The following C1orf115 variants were observed in gnomAD, a reference collection of about 807,000 sequenced individuals.
C1orf115 encodes the protein required for drug-induced death protein 1.
Under a neutral mutation model 12.5 loss-of-function variants are expected in C1orf115, and 14 were observed. The observed-to-expected ratio is 1.12, with a 90% confidence interval of 0.74 to 1.75. C1orf115 has a LOEUF of 1.75. C1orf115 is among the 40% of genes most tolerant of loss of function. The pLI, the probability that C1orf115 is intolerant of heterozygous loss-of-function variation, is 0.00. For synonymous variants in C1orf115, 109 were observed against 104.6 expected, an observed-to-expected ratio of 1.04 and a Z score of -0.26; for missense variants, 237 against 220.8, an observed-to-expected ratio of 1.07 and a Z score of -0.46.
At position 220,696,880 on chromosome 1, in the gene C1orf115, G is replaced by A. The variant is rs937666923; in HGVS notation, c.*149G>A. On this transcript the variant is annotated 3_prime_UTR_variant, in exon 2 of 2. Transcript: ENST00000294889. ...TTGTTGAATCACATTAGTATGATGAGTGAGTCATCCCTGCCCATCTGCTGA... is the reference window on the plus strand; with the variant it reads ...TTGTTGAATCACATTAGTATGATGAATGAGTCATCCCTGCCCATCTGCTGA... The A allele has an allele frequency of 9.8e-7, 1 of 1,019,894 alleles. No individual in the cohort carries two copies. The highest frequency in any genetic ancestry group is 1.3e-6 in the Non-Finnish European group (1 of 745,190). The allele number at this position is 1,019,894 out of a possible 1,614,324, so 63.2% of individuals were successfully genotyped here.
intron 1 of C1orf115, among the ~76,000 whole-genome samples, chr1:220,694,981 A>G (rs1351242663): frequency 6.6e-6 from 1 of 152,230 alleles, no homozygotes; most frequent in African/African-American, 2.4e-5. Context: ...AACTAAGAAT[A>G]TGGAGTCAAA....
chr1:220,699,103 T>C lies in C1orf115; in HGVS notation c.*2372T>C, dbSNP rs911153873. 3 of 152,236 alleles carry C rather than the reference T, an allele frequency of 2.0e-5. No homozygotes were observed. Among genetic ancestry groups the C allele is most frequent in the Non-Finnish European group, 4.4e-5 (3 of 68,052 alleles). 9.4% of individuals were successfully genotyped at this position (152,236 alleles called of 1,614,324 possible). ...GATGTGCTTGACCAAGAGACTTCTTTTGTATCCTTTTCTTGTCCTATGATG... is the reference window on the plus strand; with the variant it reads ...GATGTGCTTGACCAAGAGACTTCTTCTGTATCCTTTTCTTGTCCTATGATG... On this transcript the variant is annotated 3_prime_UTR_variant, in exon 2 of 2. Transcript: ENST00000294889.
chr1:220,696,187 T>TTTCA (rs2102518114), intron 1 of C1orf115, among the ~76,000 whole-genome samples: 2 of 152,292 alleles, frequency 1.3e-5, no homozygotes, highest in East Asian at 3.9e-4. Flanking sequence ...GAAGATGGGC[T>TTTCA]TTCAGATAAG....
intron 1 of C1orf115, among the ~76,000 whole-genome samples, chr1:220,695,754 T>C (rs557152131): frequency 6.6e-6 from 1 of 152,146 alleles, no homozygotes; most frequent in South Asian, 2.1e-4. Flanking sequence ...TATGGTAATA[T>C]GGAAAAGTCA....
In C1orf115 at chr1:220,697,097, G is replaced by A. The variant is rs908621371; in HGVS notation, c.*366G>A. On this transcript the variant is annotated 3_prime_UTR_variant, in exon 2 of 2. Transcript: ENST00000294889. The surrounding 1 kb of genome is among the most constrained non-coding windows in gnomAD (Gnocchi z 4.5). The stretch of plus-strand genomic sequence containing the variant: ...GTGTGCAGCAGAACAGTGATCTTGG[G>A]GGAGGAAGAGGATGTTACTAGAGTC... 2.4e-5 allele frequency: 4 copies of A among 166,218 alleles called. No homozygotes were observed. Among genetic ancestry groups the A allele is most frequent in the African/African-American group, 9.5e-5 (4 of 42,084 alleles). 10.3% of individuals were successfully genotyped at this position (166,218 alleles called of 1,614,324 possible).
rs936185886 is a variant in C1orf115 at position 220,697,185 on chromosome 1, C to T, written c.*454C>T. 6.6e-6 allele frequency: 1 copy of T among 152,378 alleles called. No homozygotes were observed. The highest frequency in any genetic ancestry group is 2.4e-5 in the African/African-American group (1 of 41,348). The allele number at this position is 152,378 out of a possible 1,614,324, so 9.4% of individuals were successfully genotyped here. On this transcript the variant is annotated 3_prime_UTR_variant, in exon 2 of 2. Transcript: ENST00000294889. This position sits in a 1 kb window ranked among gnomAD's most constrained non-coding sequence, Gnocchi z 4.5. ...GACAGGCGCTCACATTCCTTGGCTG[C>T]CTCGGTTCTGAGGGCAGCTAAGGAG...
In C1orf115 at chr1:220,697,802, G is replaced by C. The variant is rs1670217012; in HGVS notation, c.*1071G>C. On this transcript the variant is annotated 3_prime_UTR_variant, in exon 2 of 2. Transcript: ENST00000294889. This position sits in a 1 kb window ranked among gnomAD's most constrained non-coding sequence, Gnocchi z 4.5. ...GGACATTGGAAGAGAGAAGTTTGCTGTCCAGGAGCCAGGTCTGGAGCATCA... is the reference window on the plus strand; with the variant it reads ...GGACATTGGAAGAGAGAAGTTTGCTCTCCAGGAGCCAGGTCTGGAGCATCA... 6.5e-6 allele frequency: 1 copy of C among 153,002 alleles called. No individual in the cohort carries two copies. The highest frequency in any genetic ancestry group is 1.5e-5 in the Non-Finnish European group (1 of 68,538). The allele number at this position is 153,002 out of a possible 1,614,324, so 9.5% of individuals were successfully genotyped here. A position where few individuals can be genotyped will look rare whatever the true frequency, so the allele number is the denominator to read the frequency against.
At chr1:220,692,642 G>A (rs1670130333) in intron 1 of C1orf115, among the ~76,000 whole-genome samples, 1 of 152,306 alleles carries the variant, frequency 6.6e-6, no homozygotes, top group South Asian at 2.1e-4. Flanking sequence ...CAGGGACTGC[G>A]GGAAAGAGGA....
chr1:220,690,754 G>A, intron 1 of C1orf115, 43 bp downstream of exon 1: 1 of 1,543,306 alleles, frequency 6.5e-7, no homozygotes, highest in Non-Finnish European at 8.7e-7. Context: ...CGCGGGTGTG[G>A]TGTCCCGCGG....
intron 1 of C1orf115, among the ~76,000 whole-genome samples, chr1:220,695,389 C>A (rs1299089136): frequency 1.3e-5 from 2 of 151,964 alleles, no homozygotes; most frequent in African/African-American, 4.8e-5. Flanking sequence ...GGAAGAAGAC[C>A]ACTTTCTCCA....
intron 1 of C1orf115, among the ~76,000 whole-genome samples, chr1:220,695,107 A>ATC (rs376770777): frequency 9.5e-4 from 144 of 152,322 alleles, no homozygotes; most frequent in African/African-American, 3.4e-3. Context: ...GGCCATGACC[A>ATC]GACAGTCCCT....
At position 220,694,852 on chromosome 1, in the gene C1orf115, GAA is replaced by G. The variant is rs142082282; in HGVS notation, c.310-1758_310-1757del. 8.4e-3 allele frequency among the ~76,000 whole-genome samples: 1,279 copies of G among 152,312 alleles called. 16 individuals carry two copies. The highest frequency in any genetic ancestry group is 0.037 in the Middle Eastern group (11 of 294). On this transcript the variant is annotated intron_variant, in intron 1 of 1. Coordinates refer to ENST00000294889, the MANE Select transcript of C1orf115 (RefSeq NM_024709.5). ...CATCTAAGGAGAGACTGTAGGGAAAGAAAGAGAGAAGGAAAGACCCAGGACTG... is the reference window on the plus strand; with the variant it reads ...CATCTAAGGAGAGACTGTAGGGAAAGAGAGAGAAGGAAAGACCCAGGACTG...
intron 1 of C1orf115, among the ~76,000 whole-genome samples, chr1:220,692,900 C>A (rs1670134704): frequency 6.6e-6 from 1 of 152,212 alleles, no homozygotes; most frequent in African/African-American, 2.4e-5. Flanking sequence ...ACAAGCCCAG[C>A]TGTGGGCATG....
rs762749655 is a variant in C1orf115 at position 220,696,722 on chromosome 1, C to G, written c.420C>G (p.Phe140Leu). 3.0e-5 allele frequency: 47 copies of G among 1,590,166 alleles called. No individual in the cohort carries two copies. In the Admixed American group the frequency reaches 7.5e-4, roughly 26 times the overall value. Residue 140 changes from phenylalanine (F) to leucine (L), a missense_variant, in exon 2 of 2, where the codon TTC becomes TTG. By Grantham distance (22) the Phe-to-Leu change is conservative (BLOSUM62 0). Coordinates refer to ENST00000294889, the MANE Select transcript of C1orf115 (RefSeq NM_024709.5). ...CGGTAGCCACCAGCGTGGTATCCTT[C>G]GTGCGCTAATGGGAGCTGCTGTGGC... The part of the protein sequence containing the change: ...PFAVATSVVS[F>L]VR
intron 1 of C1orf115, among the ~76,000 whole-genome samples, chr1:220,693,914 CT>C (rs1670148843): frequency 1.3e-5 from 2 of 151,900 alleles, no homozygotes. Flanking sequence ...CCTGTCTCTA[CT>C]AAAAATACAA....
At chr1:220,694,561 C>T (rs9431295) in intron 1 of C1orf115, among the ~76,000 whole-genome samples, 39,769 of 152,064 alleles carry the variant, frequency 0.26, 5,983 homozygotes, top group East Asian at 0.67. Context: ...CAGCTCTGCC[C>T]CTAACCAGAT....
In C1orf115 at chr1:220,696,778, C is replaced by A. The variant is rs1670202468; in HGVS notation, c.*47C>A. On this transcript the variant is annotated 3_prime_UTR_variant, in exon 2 of 2. Coordinates refer to ENST00000294889, the MANE Select transcript of C1orf115 (RefSeq NM_024709.5). ...CCCCCAGAGTGAACGGGAGCCCCTG[C>A]TGTGGGAACTTTGTGAATCCTGGAG... The A allele has an allele frequency of 6.5e-7, 1 of 1,537,560 alleles. No homozygotes were observed. Among genetic ancestry groups the A allele is most frequent in the East Asian group, 2.3e-5 (1 of 43,538 alleles).
rs1670079659 is a variant in C1orf115 at position 220,690,413 on chromosome 1, G to A, written c.11G>A (p.Gly4Glu). Residue 4 changes from glycine (G) to glutamate (E), a missense_variant, in exon 1 of 2, where the codon GGA (glycine) becomes GAA (glutamate). Gly to Glu is a moderately conservative substitution (Grantham distance 98, BLOSUM62 -2). Coordinates refer to ENST00000294889, the MANE Select transcript of C1orf115 (RefSeq NM_024709.5). ...AGGGGCCGGGACATCATGACGGTGG[G>A]AGCCAGGCTCCGAAGCAAGGCGGAG... Reference protein sequence around the residue: MTVGARLRSKAESS... With the variant: MTVEARLRSKAESS... 7.0e-7 allele frequency: 1 copy of A among 1,433,604 alleles called. No individual in the cohort carries two copies. Among genetic ancestry groups the A allele is most frequent in the African/African-American group, 1.5e-5 (1 of 66,844 alleles). The allele number at this position is 1,433,604 out of a possible 1,614,324, so 88.8% of individuals were successfully genotyped here. A position where few individuals can be genotyped will look rare whatever the true frequency, so the allele number is the denominator to read the frequency against.
chr1:220,695,771 T>G (rs567238103), intron 1 of C1orf115, among the ~76,000 whole-genome samples: 133 of 152,112 alleles, frequency 8.7e-4, no homozygotes, highest in Non-Finnish European at 1.3e-3. Context: ...GTCAAAGGAC[T>G]GAGAGACAAG....
Sources: gnomAD v4.1 joint callset for allele counts (sites outside exome capture counted in the v4.1 genomes callset) on GRCh38, gnomAD v4.1.1 for gene constraint, Gnocchi (gnomAD v3.1) non-coding constraint, MANE v1.5 for transcripts, NCBI Gene and HGNC (gene_info 2026-07-23, HGNC 2026-07-21) for gene names.